Variants in MSH3 observed in about 807,000 individuals in gnomAD.
The protein encoded by MSH3 is DNA mismatch repair protein Msh3.
In MSH3, 106 loss-of-function variants were observed where a neutral mutation model predicts 123.3. That is an observed-to-expected ratio of 0.86 (90% confidence interval 0.73 to 1.01). The LOEUF (loss-of-function observed/expected upper bound fraction) is 1.01, where lower values mean the gene tolerates loss of function less well. Ranked by LOEUF, MSH3 falls within the 50% of genes least tolerant of loss-of-function variation. The probability of loss-of-function intolerance (pLI) is 0.00; values close to 1 mark genes in which losing one functional copy is unlikely to be tolerated. For missense variants in MSH3, 1,459 were observed against 1,347.6 expected (o/e 1.08, Z -1.29); for synonymous variants, 515 against 481.4 (o/e 1.07, Z -0.91).
intron 18 of MSH3, among the ~76,000 whole-genome samples, chr5:80,787,894 G>T (rs377566241): frequency 1.1e-4 from 17 of 152,254 alleles, no homozygotes; most frequent in South Asian, 6.2e-4. Context: ...GTTTATGTGG[G>T]TGACATTTTT....
intron 10 of MSH3, among the ~76,000 whole-genome samples, chr5:80,738,819 G>A (rs1221283431): frequency 6.6e-6 from 1 of 152,198 alleles, no homozygotes; most frequent in Admixed American, 6.5e-5. Flanking sequence ...TTAAGAAGGG[G>A]CCTTTTACTA....
intron 8 of MSH3, among the ~76,000 whole-genome samples, chr5:80,692,203 T>G (rs1170621029): frequency 5.9e-4 from 67 of 114,354 alleles, no homozygotes; most frequent in East Asian, 2.2e-3. Flanking sequence ...TATGTTTAGA[T>G]AGATAAACAT....
chr5:80,710,361 C>T (rs1011440489), intron 8 of MSH3, among the ~76,000 whole-genome samples: 2 of 152,204 alleles, frequency 1.3e-5, no homozygotes, highest in Non-Finnish European at 2.9e-5. Context: ...TCCCTTCCTT[C>T]ACCTTTACTT....
intron 20 of MSH3, among the ~76,000 whole-genome samples, chr5:80,821,181 A>G (rs970210559): frequency 1.3e-5 from 2 of 152,194 alleles, no homozygotes; most frequent in South Asian, 2.1e-4. Flanking sequence ...ATTTCATTCC[A>G]CAATGATCTG....
intron 13 of MSH3, among the ~76,000 whole-genome samples, chr5:80,766,115 A>G (rs1744117510): frequency 6.6e-6 from 1 of 151,912 alleles, no homozygotes; most frequent in South Asian, 2.1e-4. Context: ...CTTCTGTTTC[A>G]TGGAAGATAT....
chr5:80,763,746 C>T (rs1389558285), intron 13 of MSH3, among the ~76,000 whole-genome samples: 1 of 152,206 alleles, frequency 6.6e-6, no homozygotes, highest in Admixed American at 6.5e-5. Context: ...GATTTCTATT[C>T]CACCTTCCTG....
chr5:80,779,219 C>G (rs2090349753), intron 17 of MSH3, among the ~76,000 whole-genome samples: 1 of 152,028 alleles, frequency 6.6e-6, no homozygotes, highest in Admixed American at 6.6e-5. Context: ...TGTTGTACTC[C>G]TGACCTCAAG....
chr5:80,836,724 T>C (rs1745521989), intron 20 of MSH3, among the ~76,000 whole-genome samples: 1 of 147,296 alleles, frequency 6.8e-6, no homozygotes. Flanking sequence ...CCAGGTTACT[T>C]AGAATACCTA....
At chr5:80,697,811 G>A (rs895437223) in intron 8 of MSH3, among the ~76,000 whole-genome samples, 2 of 152,092 alleles carry the variant, frequency 1.3e-5, no homozygotes, top group African/African-American at 4.8e-5. Flanking sequence ...TTTTATAGTA[G>A]CTCACCTTTT....
At chr5:80,862,827 G>C (rs1467325143) in intron 21 of MSH3, among the ~76,000 whole-genome samples, 1 of 152,122 alleles carries the variant, frequency 6.6e-6, no homozygotes, top group African/African-American at 2.4e-5. Context: ...GTGGAGGTGA[G>C]TGGGGAAAAG....
At chr5:80,855,867 C>T (rs925701527) in intron 21 of MSH3, 3 of 139,392 alleles carry the variant, frequency 2.2e-5, no homozygotes, top group Admixed American at 1.6e-4. Context: ...TCTTCCTCCT[C>T]CTCCTCTTTT....
At chr5:80,812,053 C>A (rs973345943) in intron 19 of MSH3, among the ~76,000 whole-genome samples, 1 of 152,120 alleles carries the variant, frequency 6.6e-6, no homozygotes, top group Non-Finnish European at 1.5e-5. Flanking sequence ...ACAAGAAACA[C>A]AGGTATACTC....
chr5:80,671,136 AAT>A (rs1194809505), intron 4 of MSH3, among the ~76,000 whole-genome samples: 3 of 147,480 alleles, frequency 2.0e-5, no homozygotes, highest in African/African-American at 7.6e-5. Context: ...AAAAAAAAAA[AAT>A]TGGGATTGTA....
intron 12 of MSH3, among the ~76,000 whole-genome samples, chr5:80,754,440 C>T (rs1306959457): frequency 6.6e-6 from 1 of 152,042 alleles, no homozygotes; most frequent in Non-Finnish European, 1.5e-5. Flanking sequence ...GCGTTCCCAG[C>T]GTCAGGGAAT....
chr5:80,670,319 C>T lies in MSH3; in HGVS notation c.792+10C>T. 6.2e-7 allele frequency: 1 copy of T among 1,611,200 alleles called. No homozygotes were observed. The highest frequency in any genetic ancestry group is 1.1e-5 in the South Asian group (1 of 90,980). On this transcript the variant is annotated intron_variant, in intron 4 of 23. Coordinates refer to ENST00000265081, the MANE Select transcript of MSH3 (RefSeq NM_002439.5). ...TGGGGAAGATGCAGAGGTAAGTCGT[C>T]TTTTCAGGCACTATTTTATATTTTT...
At chr5:80,765,173 C>T (rs747292576) in intron 13 of MSH3, among the ~76,000 whole-genome samples, 1 of 152,186 alleles carries the variant, frequency 6.6e-6, no homozygotes, top group Non-Finnish European at 1.5e-5. Context: ...TGGTTTTCAC[C>T]TTGCTTCTGT....
rs770540275 is a variant in MSH3 at position 80,728,993 on chromosome 5, A to T, written c.1568+28A>T. On this transcript the variant is annotated intron_variant, in intron 10 of 23. Coordinates refer to ENST00000265081, the MANE Select transcript of MSH3 (RefSeq NM_002439.5). ...AAGTGATTCCTCCAAAATTAAAAAA[A>T]GGGGGAGCTTATATTATGAACATTT... 22 of 1,224,570 alleles carry T rather than the reference A, an allele frequency of 1.8e-5. No homozygotes were observed. In the East Asian group the frequency reaches 5.1e-4, roughly 29 times the overall value. The allele number at this position is 1,224,570 out of a possible 1,614,324, so 75.9% of individuals were successfully genotyped here.
intron 11 of MSH3, 33 bp from the exon 12 acceptor site, chr5:80,744,473 A>T: frequency 6.9e-7 from 1 of 1,443,012 alleles, no homozygotes; most frequent in Non-Finnish European, 9.7e-7. Flanking sequence ...ATAATTGTCT[A>T]GTTAATAAAA....
chr5:80,792,661 A>C (rs1378465995), intron 18 of MSH3, 72 bp from the exon 19 acceptor site: 4 of 881,972 alleles, frequency 4.5e-6, no homozygotes, highest in Non-Finnish European at 7.4e-6. Context: ...GAAATTTTTC[A>C]TGCTATCTTA....
Sources: allele counts gnomAD v4.1 joint callset (sites outside exome capture counted in the v4.1 genomes callset), GRCh38; gene constraint gnomAD v4.1.1; transcripts MANE v1.5; gene names NCBI Gene and HGNC (gene_info 2026-07-23, HGNC 2026-07-21).